Variants in CSMD1 observed in about 807,000 individuals in gnomAD.
CSMD1 encodes the protein CUB and Sushi multiple domains 1.
CSMD1 carries 213 observed loss-of-function variants against 417.5 expected under a neutral mutation model. That is an observed-to-expected ratio of 0.51 (90% confidence interval 0.46 to 0.57). The LOEUF (loss-of-function observed/expected upper bound fraction) is 0.57, where lower values mean the gene tolerates loss of function less well. Ranked by LOEUF, CSMD1 falls within the 20% of genes least tolerant of loss-of-function variation. The probability of loss-of-function intolerance (pLI) is 0.00; values close to 1 mark genes in which losing one functional copy is unlikely to be tolerated. For missense variants in CSMD1, 6,923 were observed against 4,529.7 expected, an observed-to-expected ratio of 1.53 and a Z score of -15.17; for synonymous variants, 2,862 against 1,736.8, an observed-to-expected ratio of 1.65 and a Z score of -16.11.
intron 3 of CSMD1, among the ~76,000 whole-genome samples, chr8:4,226,667 T>G (rs992763930): frequency 6.6e-6 from 1 of 152,150 alleles, no homozygotes; most frequent in African/African-American, 2.4e-5. Context: ...TCATAGAAAT[T>G]AGTAAATGTA....
chr8:3,594,616 A>G (rs528803308), intron 8 of CSMD1, among the ~76,000 whole-genome samples: 3 of 152,224 alleles, frequency 2.0e-5, no homozygotes, highest in African/African-American at 4.8e-5. Context: ...TCCCCAGTAG[A>G]TACAATGACT....
At chr8:4,027,360 A>T (rs1447836302) in intron 4 of CSMD1, among the ~76,000 whole-genome samples, 1 of 152,144 alleles carries the variant, frequency 6.6e-6, no homozygotes, top group East Asian at 1.9e-4. Context: ...TTCACCTTGA[A>T]TTGTAACCTA....
chr8:3,245,234 T>C (rs530443690), intron 26 of CSMD1, among the ~76,000 whole-genome samples: 1 of 152,312 alleles, frequency 6.6e-6, no homozygotes, highest in Non-Finnish European at 1.5e-5. Flanking sequence ...GAGTCCTCCC[T>C]GTCCACAGCA....
At chr8:4,877,117 G>A (rs1803092733) in intron 1 of CSMD1, among the ~76,000 whole-genome samples, 1 of 151,938 alleles carries the variant, frequency 6.6e-6, no homozygotes, top group South Asian at 2.1e-4. Context: ...AAAGATTTAA[G>A]TTTTTCTTTT....
chr8:3,505,859 G>C (rs1015061396), intron 10 of CSMD1, among the ~76,000 whole-genome samples: 1 of 152,100 alleles, frequency 6.6e-6, no homozygotes, highest in Non-Finnish European at 1.5e-5. Context: ...TTGGCTGAAA[G>C]GTGAACTTCA....
In CSMD1 at chr8:3,206,494, G is replaced by GTA. The variant is rs551581370; in HGVS notation, c.4868-875_4868-874insTA. 1.5e-4 allele frequency among the ~76,000 whole-genome samples: 20 copies of GTA among 132,380 alleles called. 1 individual carries two copies. The highest frequency in any genetic ancestry group is 2.8e-4 in the African/African-American group (10 of 35,138). 86.8% of individuals were successfully genotyped at this position (132,380 alleles called of 152,430 possible). On this transcript the variant is annotated intron_variant, in intron 30 of 69. Transcript: ENST00000635120. ...TATGTCTGTGCGTGTATGTGTGTGT[G>GTA]GGTGTATGTGTGTGTGGTGTATGTC...
At chr8:3,482,742 T>A (rs998278605) in intron 11 of CSMD1, among the ~76,000 whole-genome samples, 5 of 152,190 alleles carry the variant, frequency 3.3e-5, no homozygotes, top group Admixed American at 3.3e-4. Context: ...ATAATAGATC[T>A]TGACATATTC....
chr8:4,280,050 A>C (rs1251744512), intron 3 of CSMD1, among the ~76,000 whole-genome samples: 1 of 152,250 alleles, frequency 6.6e-6, no homozygotes, highest in Non-Finnish European at 1.5e-5. Flanking sequence ...ACTCATAGCT[A>C]GAACGCTGAG....
intron 19 of CSMD1, among the ~76,000 whole-genome samples, chr8:3,367,942 G>T (rs958598527): frequency 2.0e-5 from 3 of 152,108 alleles, no homozygotes; most frequent in African/African-American, 7.2e-5. Flanking sequence ...GTGTCCTTTA[G>T]AAAAATCTTA....
intron 4 of CSMD1, among the ~76,000 whole-genome samples, chr8:4,020,121 C>T (rs531309989): frequency 1.3e-5 from 2 of 152,118 alleles, no homozygotes; most frequent in African/African-American, 2.4e-5. Context: ...GTGTCAGGCT[C>T]TTTGCTAACC....
intron 5 of CSMD1, among the ~76,000 whole-genome samples, chr8:3,885,890 G>C (rs968990023): frequency 3.3e-5 from 5 of 152,040 alleles, no homozygotes; most frequent in African/African-American, 9.7e-5. Flanking sequence ...TTTCTAAATA[G>C]GAGTAAAGTT....
chr8:4,285,498 A>C (rs1304011000), intron 3 of CSMD1, among the ~76,000 whole-genome samples: 1 of 152,216 alleles, frequency 6.6e-6, no homozygotes, highest in Non-Finnish European at 1.5e-5. Flanking sequence ...TCCAAATATA[A>C]AGAGGATGAA....
intron 5 of CSMD1, among the ~76,000 whole-genome samples, chr8:3,900,743 A>C (rs916213567): frequency 3.3e-5 from 5 of 152,068 alleles, no homozygotes; most frequent in Non-Finnish European, 7.4e-5. Context: ...GCTAGCTGCC[A>C]CCGCAACTGG....
At chr8:4,822,870 A>G (rs778093034) in intron 1 of CSMD1, among the ~76,000 whole-genome samples, 1 of 152,066 alleles carries the variant, frequency 6.6e-6, no homozygotes, top group Non-Finnish European at 1.5e-5. Flanking sequence ...TGTCTTTTTC[A>G]TAATATGTTA....
chr8:3,052,672 G>C (rs528735223), intron 49 of CSMD1, 25 bp from the exon 50 acceptor site: 7 of 1,487,530 alleles, frequency 4.7e-6, no homozygotes, highest in East Asian at 2.5e-5. Flanking sequence ...AACAAATGTA[G>C]GCTTATTCTT....
At chr8:3,274,053 T>C (rs1440025071) in intron 26 of CSMD1, among the ~76,000 whole-genome samples, 1 of 151,884 alleles carries the variant, frequency 6.6e-6, no homozygotes, top group African/African-American at 2.4e-5. Flanking sequence ...CTGCTTTCTC[T>C]TGTGGGCATT....
chr8:3,242,298 G>A lies in CSMD1; in HGVS notation c.4154-12067C>T, dbSNP rs559112980. Reference sequence around the variant, plus strand: ...GACCTAGCTCGGCCTGGGGAGGAAGGGAGAGGTCAGATGGGGCTGTAGAAA... The same window carrying A: ...GACCTAGCTCGGCCTGGGGAGGAAGAGAGAGGTCAGATGGGGCTGTAGAAA... On this transcript the variant is annotated intron_variant, in intron 26 of 69. Coordinates refer to ENST00000635120, the MANE Select transcript of CSMD1 (RefSeq NM_033225.6). Among the ~76,000 whole-genome samples the A allele has an allele frequency of 2.3e-3, 340 of 150,260 alleles. 2 individuals carry two copies. The highest frequency in any genetic ancestry group is 7.0e-3 in the Middle Eastern group (2 of 286).
intron 1 of CSMD1, among the ~76,000 whole-genome samples, chr8:4,783,125 G>A (rs563667519): frequency 2.0e-5 from 3 of 152,258 alleles, no homozygotes; most frequent in East Asian, 3.9e-4. Flanking sequence ...GAGTTAACAT[G>A]TCATATGTAA....
chr8:4,489,734 G>A (rs892302934), intron 2 of CSMD1, among the ~76,000 whole-genome samples: 1 of 152,200 alleles, frequency 6.6e-6, no homozygotes, highest in Non-Finnish European at 1.5e-5. Flanking sequence ...GGCTGGCAGG[G>A]AAGAAGCAGC....
Sources: gnomAD v4.1 joint callset for allele counts (sites outside exome capture counted in the v4.1 genomes callset) on GRCh38, gnomAD v4.1.1 for gene constraint, MANE v1.5 for transcripts, NCBI Gene and HGNC (gene_info 2026-07-23, HGNC 2026-07-21) for gene names.